PRKACA: variants seen among roughly 807,000 people sequenced by gnomAD.
PRKACA encodes the protein cAMP-dependent protein kinase catalytic subunit alpha.
In PRKACA, 9 loss-of-function variants were observed where a neutral mutation model predicts 45.8. The ratio of observed to expected loss-of-function variants is 0.20; its 90% CI spans 0.12 to 0.34. PRKACA has a LOEUF of 0.34. Among genes scored for constraint, PRKACA ranks in the 10% least tolerant of loss-of-function variants. PRKACA has a pLI of 1.00. For synonymous variants in PRKACA, 160 were observed against 178.6 expected (o/e 0.90, Z 0.83); for missense variants, 238 against 458.6 (o/e 0.52, Z 4.39).
chr19:14,106,788 T>C lies in PRKACA; in HGVS notation c.209A>G (p.Tyr70Cys). ...CTGTTTGTCGAGGATCTTCATGGCA[T>C]AGTGGTTCCCGGTCTCCTTGTGTTT... ...LVKHKETGNH[Y>C]AMKILDKQKV... Residue 70 changes from tyrosine to cysteine, a missense_variant, in exon 3 of 10, where the codon TAT becomes TGT. By Grantham distance (194) the Tyr-to-Cys change is radical. Coordinates refer to ENST00000308677, the MANE Select transcript of PRKACA (RefSeq NM_002730.4). 7.4e-6 allele frequency: 12 copies of C among 1,614,090 alleles called. No homozygotes were observed. Among genetic ancestry groups the C allele is most frequent in the Non-Finnish European group, 1.0e-5 (12 of 1,179,980 alleles).
chr19:14,113,814 G>A (rs1262396335), intron 1 of PRKACA, among the ~76,000 whole-genome samples: 1 of 152,006 alleles, frequency 6.6e-6, no homozygotes, highest in Non-Finnish European at 1.5e-5. Flanking sequence ...CCCCCATTCT[G>A]AGCTGGACCC....
Position 14,097,782 on chromosome 19 carries a change from G to A in PRKACA, c.528C>T (p.Asp176=). The stretch of plus-strand genomic sequence containing the variant: ...TGGGCACCTGAATGTAGCCCTGCTG[G>A]TCAATGAGCAGATTCTCCGGCTTCA... ...RDLKPENLLI[D]QQGYIQVTDF... The change falls in exon 6 of 10, where the codon GAC becomes GAT. Residue 176 remains aspartate, a synonymous_variant. Coordinates refer to ENST00000308677, the MANE Select transcript of PRKACA (RefSeq NM_002730.4). This position sits in a 1 kb window ranked among gnomAD's most constrained non-coding sequence, Gnocchi z 5.4. 6.2e-7 allele frequency: 1 copy of A among 1,614,182 alleles called. No homozygotes were observed. Among genetic ancestry groups the A allele is most frequent in the Non-Finnish European group, 8.5e-7 (1 of 1,180,018 alleles).
In PRKACA at chr19:14,117,723, C is replaced by A. The variant is rs1451710296; in HGVS notation, c.-176G>T. 7 of 186,578 alleles carry A rather than the reference C, an allele frequency of 3.8e-5. No homozygotes were observed. The highest frequency in any genetic ancestry group is 1.8e-4 in the South Asian group (1 of 5,498). The allele number at this position is 186,578 out of a possible 1,614,324, so 11.6% of individuals were successfully genotyped here. On this transcript the variant is annotated 5_prime_UTR_variant, in exon 1 of 10. Transcript: ENST00000308677. The stretch of plus-strand genomic sequence containing the variant: ...CTTCCCGCGTCTCTCCGCGCCCGCC[C>A]GCCCGGGAACCTCAGCCCAAGATCT...
chr19:14,099,527 G>A (rs1389477889), intron 5 of PRKACA, among the ~76,000 whole-genome samples: 1 of 151,180 alleles, frequency 6.6e-6, no homozygotes, highest in African/African-American at 2.4e-5. Flanking sequence ...CCAGACTCAG[G>A]TGATCTTCCC....
At position 14,094,185 on chromosome 19, in the gene PRKACA, G is replaced by GAAAAA. The variant is rs940405502; in HGVS notation, c.766-398_766-394dup. Among the ~76,000 whole-genome samples the GAAAAA allele has an allele frequency of 2.7e-4, 16 of 58,932 alleles. 1 individual carries two copies. The highest frequency in any genetic ancestry group is 4.1e-4 in the Non-Finnish European group (13 of 31,388). The allele number at this position is 58,932 out of a possible 152,430, so 38.7% of individuals were successfully genotyped here. On this transcript the variant is annotated intron_variant, in intron 8 of 9. Transcript: ENST00000308677. ...AGCAAGAATCTGCATTTCTTTTTTT[G>GAAAAA]AAAAAAAAAAAAAAAAAAAAAAAAA...
At chr19:14,116,097 G>T (rs1967100581) in intron 1 of PRKACA, among the ~76,000 whole-genome samples, 1 of 152,196 alleles carries the variant, frequency 6.6e-6, no homozygotes, top group African/African-American at 2.4e-5. Context: ...CTGGGAGGGG[G>T]CATTCAGGAA....
At chr19:14,098,759 G>A (rs1977345489) in intron 5 of PRKACA, among the ~76,000 whole-genome samples, 1 of 148,280 alleles carries the variant, frequency 6.7e-6, no homozygotes, top group Admixed American at 6.8e-5. Flanking sequence ...CTCCCAAAGT[G>A]CTGGGATTAC....
intron 8 of PRKACA, among the ~76,000 whole-genome samples, chr19:14,094,032 T>G (rs1977173320): frequency 6.6e-6 from 1 of 152,100 alleles, no homozygotes; most frequent in Non-Finnish European, 1.5e-5. Flanking sequence ...GTTAGTTATT[T>G]TAAGAAGTTT....
At chr19:14,093,385 C>G in intron 9 of PRKACA, 148 bp from the exon 10 acceptor site, 1 of 1,186,884 alleles carries the variant, frequency 8.4e-7, no homozygotes, top group Non-Finnish European at 1.2e-6. Context: ...CTTAACAGCC[C>G]GAAACTCTTA....
intron 1 of PRKACA, chr19:14,108,141 G>A: frequency 2.6e-5 from 26 of 985,492 alleles, no homozygotes; most frequent in Non-Finnish European, 3.0e-5. Context: ...CGTCTCTGCT[G>A]AGACACAGCC....
Position 14,093,611 on chromosome 19 carries a change from A to C in PRKACA, c.930+17T>G. On this transcript the variant is annotated intron_variant, in intron 9 of 9. Coordinates refer to ENST00000308677, the MANE Select transcript of PRKACA (RefSeq NM_002730.4). ...CTGCTCCCAAACCCTCAGCAGGCTT[A>C]AGGAGGGGAGGCCCACCTTCCTCTG... 1.9e-6 allele frequency: 3 copies of C among 1,609,224 alleles called. No individual in the cohort carries two copies. In the South Asian group the frequency reaches 3.3e-5, roughly 18 times the overall value.
intron 1 of PRKACA, chr19:14,108,265 T>C (rs995767617): frequency 2.5e-5 from 14 of 562,772 alleles, no homozygotes; most frequent in Non-Finnish European, 2.9e-5. Context: ...TAGGCCTCAG[T>C]TTTCCTCATC....
rs1462529510 is a variant in PRKACA at position 14,114,318 on chromosome 19, G to A, written c.46+3184C>T. ...AGAAACCCAACCCAGAGGCCACTGG[G>A]TGTGGAGGAGGGACAGATAGGGCCC... On this transcript the variant is annotated intron_variant, in intron 1 of 9. Transcript: ENST00000308677. 9.2e-6 allele frequency: 8 copies of A among 870,580 alleles called. No individual in the cohort carries two copies. The Admixed American group carries it at 1.8e-4, about 20-fold the overall frequency. The allele number at this position is 870,580 out of a possible 1,614,324, so 53.9% of individuals were successfully genotyped here. A position where few individuals can be genotyped will look rare whatever the true frequency, so the allele number is the denominator to read the frequency against.
chr19:14,099,782 T>C (rs1977387991), intron 5 of PRKACA, among the ~76,000 whole-genome samples: 1 of 151,364 alleles, frequency 6.6e-6, no homozygotes, highest in Non-Finnish European at 1.5e-5. Flanking sequence ...TGTATAAAAA[T>C]ATATATTAAA....
At chr19:14,108,750 TG>T (rs1256918238) in intron 1 of PRKACA, among the ~76,000 whole-genome samples, 1 of 133,398 alleles carries the variant, frequency 7.5e-6, no homozygotes, top group Non-Finnish European at 1.6e-5. Context: ...TTTTTTGAGA[TG>T]GAGTCCCACT....
At position 14,092,974 on chromosome 19, in the gene PRKACA, C is replaced by G; in HGVS notation, c.*138G>C. ...TATCTGGGCTTCCTGCTCCCCCTAA[C>G]CCTGGAGGGTGGGGTGGGGGTGAAA... On this transcript the variant is annotated 3_prime_UTR_variant, in exon 10 of 10. Coordinates refer to ENST00000308677, the MANE Select transcript of PRKACA (RefSeq NM_002730.4). 1.7e-6 allele frequency: 2 copies of G among 1,168,134 alleles called. No homozygotes were observed. The highest frequency in any genetic ancestry group is 2.3e-6 in the Non-Finnish European group (2 of 862,332). 72.4% of individuals were successfully genotyped at this position (1,168,134 alleles called of 1,614,324 possible).
intron 1 of PRKACA, among the ~76,000 whole-genome samples, chr19:14,109,866 A>G (rs1275712930): frequency 7.5e-6 from 1 of 132,664 alleles, no homozygotes; most frequent in Admixed American, 8.0e-5. Context: ...TGAACTTGGG[A>G]GGCAGAGGTT....
At position 14,100,819 on chromosome 19, in the gene PRKACA, C is replaced by G. The variant is rs757139965; in HGVS notation, c.419+7G>C. On this transcript the variant is annotated splice_region_variant and intron_variant, in intron 5 of 9. Transcript: ENST00000308677. The stretch of plus-strand genomic sequence containing the variant: ...CAGCCTGATGTGATGGGGGGTGGCC[C>G]GCTTACCTGAACCTTCCGATCCGCC... 50 of 1,613,744 alleles carry G rather than the reference C, an allele frequency of 3.1e-5. No homozygotes were observed. The highest frequency in any genetic ancestry group is 3.9e-5 in the Non-Finnish European group (46 of 1,179,808).
At chr19:14,102,513 G>A (rs1200825075) in intron 4 of PRKACA, among the ~76,000 whole-genome samples, 5 of 152,152 alleles carry the variant, frequency 3.3e-5, no homozygotes, top group Non-Finnish European at 7.3e-5. Context: ...GGCTGCCTGG[G>A]GCAGAGTTTG....
Sources: gnomAD v4.1 joint callset for allele counts (sites outside exome capture counted in the v4.1 genomes callset) on GRCh38, gnomAD v4.1.1 for gene constraint, Gnocchi (gnomAD v3.1) non-coding constraint, MANE v1.5 for transcripts, NCBI Gene and HGNC (gene_info 2026-07-23, HGNC 2026-07-21) for gene names.